The following SPARC variants were observed in gnomAD, a reference collection of about 807,000 sequenced individuals.
SPARC encodes the protein basement-membrane protein 40.
SPARC carries 23 observed loss-of-function variants against 37.7 expected under a neutral mutation model. That is an observed-to-expected ratio of 0.61 (90% CI 0.44 to 0.87). The LOEUF (loss-of-function observed/expected upper bound fraction) is 0.87, where lower values mean the gene tolerates loss of function less well. Among genes scored for constraint, SPARC ranks in the 40% least tolerant of loss-of-function variants. The pLI is 0.00. For missense variants in SPARC, 312 were observed against 389.0 expected (o/e 0.80, Z 1.66); for synonymous variants, 155 against 150.8 (o/e 1.03, Z -0.20).
intron 5 of SPARC, 34 bp from the exon 6 acceptor site, chr5:151,669,818 T>C (rs760889893): frequency 6.2e-7 from 1 of 1,613,018 alleles, no homozygotes; most frequent in Non-Finnish European, 8.5e-7. Flanking sequence ...CCCTCCTTCA[T>C]TCCCAAAGCC....
At chr5:151,667,647 G>A (rs376900640) in intron 6 of SPARC, 47 bp from the exon 7 acceptor site, 87 of 1,590,454 alleles carry the variant, frequency 5.5e-5, no homozygotes, top group Middle Eastern at 2.1e-4. Flanking sequence ...TGCCTGGGCC[G>A]TGCTCCCCAC....
intron 1 of SPARC, among the ~76,000 whole-genome samples, chr5:151,680,398 T>TTCTTC (rs1261103499): frequency 1.3e-4 from 20 of 151,398 alleles, no homozygotes; most frequent in Admixed American, 1.2e-3. Context: ...CAGCGAATTT[T>TTCTTC]TCTTTTCTTT....
intron 9 of SPARC, 94 bp from the exon 10 acceptor site, chr5:151,663,693 G>A: frequency 7.7e-6 from 10 of 1,299,468 alleles, no homozygotes; most frequent in Non-Finnish European, 1.1e-5. Context: ...CATCCCCAGG[G>A]GCAGGGGTCT....
chr5:151,676,105 A>G, intron 2 of SPARC, 27 bp downstream of exon 2: 1 of 1,599,174 alleles, frequency 6.3e-7, no homozygotes, highest in African/African-American at 1.3e-5. Flanking sequence ...GAATGAAAAC[A>G]AGAAGACATG....
At chr5:151,669,599 G>C in intron 6 of SPARC, 65 bp downstream of exon 6, 1 of 1,557,108 alleles carries the variant, frequency 6.4e-7, no homozygotes, top group Non-Finnish European at 8.8e-7. Flanking sequence ...GGCAGAGACA[G>C]CATCAGTGCC....
chr5:151,667,111 C>T (rs1038403834), intron 7 of SPARC, among the ~76,000 whole-genome samples: 1 of 152,176 alleles, frequency 6.6e-6, no homozygotes, highest in African/African-American at 2.4e-5. Context: ...TTTCAGTGGC[C>T]TGAGATGGGG....
intron 1 of SPARC, among the ~76,000 whole-genome samples, chr5:151,684,322 C>T (rs1429494486): frequency 6.6e-6 from 1 of 151,936 alleles, no homozygotes; most frequent in East Asian, 1.9e-4. Context: ...GGGAAATCAT[C>T]TAGCTTAGAA....
intron 1 of SPARC, among the ~76,000 whole-genome samples, chr5:151,681,161 A>C (rs1760978770): frequency 6.6e-6 from 1 of 152,248 alleles, no homozygotes; most frequent in Non-Finnish European, 1.5e-5. Context: ...CCTAGAGGCT[A>C]ATAAAGGAAG....
chr5:151,665,995 G>A (rs964359862), intron 8 of SPARC, among the ~76,000 whole-genome samples: 14 of 152,190 alleles, frequency 9.2e-5, no homozygotes, highest in African/African-American at 3.1e-4. Context: ...CTCTGCCCCT[G>A]GATGTTCTGC....
intron 7 of SPARC, among the ~76,000 whole-genome samples, chr5:151,667,131 C>G (rs1427821061): frequency 6.6e-6 from 1 of 152,232 alleles, no homozygotes; most frequent in African/African-American, 2.4e-5. Context: ...GCCAAGGAAT[C>G]TGCATTTTAT....
chr5:151,669,613 T>C (rs1581522548), intron 6 of SPARC, 51 bp downstream of exon 6: 3 of 1,596,902 alleles, frequency 1.9e-6, no homozygotes, highest in Non-Finnish European at 2.6e-6. Flanking sequence ...CAGTGCCAGC[T>C]CAGAGCTCTC....
chr5:151,667,664 C>A, intron 6 of SPARC, 64 bp from the exon 7 acceptor site: 4 of 1,542,514 alleles, frequency 2.6e-6, no homozygotes, highest in Non-Finnish European at 3.5e-6. Context: ...CCACCCCAGG[C>A]CCCCACCCAC....
intron 4 of SPARC, chr5:151,671,927 T>C (rs929436913): frequency 2.0e-6 from 1 of 507,690 alleles, no homozygotes; most frequent in Admixed American, 3.8e-5. Flanking sequence ...CAGGCACTTC[T>C]GGGGGGCTGG....
chr5:151,685,775 A>G (rs1761124982), intron 1 of SPARC: 1 of 152,206 alleles, frequency 6.6e-6, no homozygotes, highest in South Asian at 2.1e-4. Context: ...CTAATGAAAA[A>G]AATGCTGTCC....
chr5:151,669,758 G>A lies in SPARC; in HGVS notation c.357C>T (p.Phe119=), dbSNP rs779676614. The A allele has an allele frequency of 1.6e-4, 262 of 1,614,188 alleles. 2 individuals are homozygous for A. In the East Asian group the frequency reaches 5.6e-3, roughly 34 times the overall value. The change falls in exon 6 of 10, where the codon TTC becomes TTT. Residue 119 remains phenylalanine (F), a synonymous_variant. Coordinates refer to ENST00000231061, the MANE Select transcript of SPARC (RefSeq NM_003118.4). The part of the protein sequence containing the change: ...EKVCSNDNKT[F]DSSCHFFATK... Reference sequence around the variant, plus strand: ...TGGCAAAGAAGTGGCAGGAAGAGTCGAAGGTCTTGTTGTCATTGCTGCACA... The same window carrying A: ...TGGCAAAGAAGTGGCAGGAAGAGTCAAAGGTCTTGTTGTCATTGCTGCACA...
At chr5:151,666,252 C>T in intron 8 of SPARC, 109 bp downstream of exon 8, 2 of 1,129,786 alleles carry the variant, frequency 1.8e-6, no homozygotes, top group Non-Finnish European at 2.5e-6. Context: ...CCCAGGCAAA[C>T]TGTGGATGCC....
chr5:151,665,977 G>A (rs549124352), intron 8 of SPARC, among the ~76,000 whole-genome samples: 353 of 152,334 alleles, frequency 2.3e-3, no homozygotes, highest in African/African-American at 8.2e-3. Context: ...GACAGTGCCA[G>A]GTGGCTGCTC....
At chr5:151,668,730 A>C (rs1460081305) in intron 6 of SPARC, among the ~76,000 whole-genome samples, 1 of 152,042 alleles carries the variant, frequency 6.6e-6, no homozygotes, top group Non-Finnish European at 1.5e-5. Flanking sequence ...CCACTTCATA[A>C]AGACTCCTTA....
At chr5:151,664,915 G>A (rs966854487) in intron 8 of SPARC, among the ~76,000 whole-genome samples, 1 of 152,130 alleles carries the variant, frequency 6.6e-6, no homozygotes, top group African/African-American at 2.4e-5. Flanking sequence ...CAGAGCATGT[G>A]TATAATTTTT....
Sources: gnomAD v4.1 joint callset for allele counts (sites outside exome capture counted in the v4.1 genomes callset) on GRCh38, gnomAD v4.1.1 for gene constraint, MANE v1.5 for transcripts, NCBI Gene and HGNC (gene_info 2026-07-23, HGNC 2026-07-21) for gene names.